Variants in CDC42BPG observed in about 807,000 individuals in gnomAD.
CDC42BPG encodes CDC42 binding protein kinase gamma.
Under a neutral mutation model 192.2 loss-of-function variants are expected in CDC42BPG, and 157 were observed. The ratio of observed to expected loss-of-function variants is 0.82; its 90% CI spans 0.72 to 0.93. The LOEUF is 0.93. Ranked by LOEUF, CDC42BPG falls within the 40% of genes least tolerant of loss-of-function variation. CDC42BPG has a pLI of 0.00. For synonymous variants in CDC42BPG, 981 were observed against 918.5 expected (o/e 1.07, Z -1.23); for missense variants, 1,992 against 2,122.1 (o/e 0.94, Z 1.20).
chr11:64,833,883 C>T (rs1162429800), intron 21 of CDC42BPG, 42 bp downstream of exon 21: 3 of 1,614,218 alleles, frequency 1.9e-6, no homozygotes, highest in Non-Finnish European at 2.5e-6. Flanking sequence ...CTGTGCCTCT[C>T]CCAGAACTTC....
Position 64,827,118 on chromosome 11 carries a change from T to C in CDC42BPG, c.4321A>G (p.Thr1441Ala), listed in dbSNP as rs1565668639. 2 of 1,613,962 alleles carry C rather than the reference T, an allele frequency of 1.2e-6. No homozygotes were observed. The highest frequency in any genetic ancestry group is 1.7e-6 in the Non-Finnish European group (2 of 1,179,980). The change falls in exon 34 of 37, where the codon ACC becomes GCC. Residue 1441 changes from threonine (T) to alanine (A), a missense_variant. Thr to Ala is a moderately conservative substitution (Grantham distance 58, BLOSUM62 0). Coordinates refer to ENST00000342711, the MANE Select transcript of CDC42BPG (RefSeq NM_017525.3). The stretch of plus-strand genomic sequence containing the variant: ...ACGTGTACTAGGTGGTTGAAGTTGG[T>C]AGGCGGCGAGATGAGCTTGGAGCGC... ...FVRSKLISPP[T>A]NFNHLVHVGP...
chr11:64,825,326 AGAG>A (rs1942375971), intron 36 of CDC42BPG, among the ~76,000 whole-genome samples: 1 of 152,176 alleles, frequency 6.6e-6, no homozygotes, highest in East Asian at 1.9e-4. Context: ...CACAGTCAAC[AGAG>A]GAGAACAGGC....
chr11:64,839,275 TTGGCTGGGACTGCTG>T, intron 6 of CDC42BPG, 42 bp from the exon 7 acceptor site: 1 of 1,609,670 alleles, frequency 6.2e-7, no homozygotes, highest in Non-Finnish European at 8.5e-7. Flanking sequence ...AGCTTTGGGC[TTGGCTGGGACTGCTG>T]GCTCCTCGCG....
chr11:64,836,649 G>A (rs1211698611), intron 11 of CDC42BPG, 90 bp downstream of exon 11: 6 of 1,109,128 alleles, frequency 5.4e-6, no homozygotes, highest in African/African-American at 1.7e-5. Context: ...TGCTCTCCCA[G>A]GATCATACAG....
intron 30 of CDC42BPG, among the ~76,000 whole-genome samples, chr11:64,828,276 GCC>G (rs1942526783): frequency 1.8e-4 from 1 of 5,600 alleles, no homozygotes; most frequent in Non-Finnish European, 3.3e-4. Context: ...CTGCCCCACT[GCC>G]TCATTCATTC....
chr11:64,843,680 C>G (rs983826184), intron 1 of CDC42BPG, among the ~76,000 whole-genome samples: 1 of 152,210 alleles, frequency 6.6e-6, no homozygotes, highest in South Asian at 2.1e-4. Context: ...AGGGTCACCC[C>G]GGGCCAGCCA....
At position 64,840,668 on chromosome 11, in the gene CDC42BPG, G is replaced by A; in HGVS notation, c.337-20C>T. On this transcript the variant is annotated intron_variant, in intron 3 of 36. Transcript: ENST00000342711. ...GGCTGTCTGCAGCAGGTTTGGGGAAGTAAGGGGTGGGGTGGGATCAGAGCC... is the reference window on the plus strand; with the variant it reads ...GGCTGTCTGCAGCAGGTTTGGGGAAATAAGGGGTGGGGTGGGATCAGAGCC... The A allele has an allele frequency of 1.2e-6, 2 of 1,611,578 alleles. No individual in the cohort carries two copies. The highest frequency in any genetic ancestry group is 8.5e-7 in the Non-Finnish European group (1 of 1,178,408).
At chr11:64,839,297 C>T (rs542086743) in intron 6 of CDC42BPG, 64 bp from the exon 7 acceptor site, 74 of 1,583,656 alleles carry the variant, frequency 4.7e-5, no homozygotes, top group African/African-American at 9.4e-5. Context: ...GCTGGCTCCT[C>T]GCGATGGCCC....
Position 64,839,500 on chromosome 11 carries a change from A to C in CDC42BPG, c.653T>G (p.Leu218Arg). 1.9e-6 allele frequency: 3 copies of C among 1,613,184 alleles called. No homozygotes were observed. Among genetic ancestry groups the C allele is most frequent in the Non-Finnish European group, 2.5e-6 (3 of 1,179,974 alleles). The stretch of plus-strand genomic sequence containing the variant: ...TACCATGCCGTTGGTGTTGAGACGC[A>C]GGCAGGAGCCGAAGTCAGCCAGGCG... The part of the protein sequence containing the change: ...HIRLADFGSC[L>R]RLNTNGMVDS... The change falls in exon 6 of 37, where the codon CTG becomes CGG. Residue 218 changes from leucine to arginine, a missense_variant. Coordinates refer to ENST00000342711, the MANE Select transcript of CDC42BPG (RefSeq NM_017525.3).
chr11:64,836,400 C>CTCACCCA, intron 12 of CDC42BPG, 27 bp downstream of exon 12: 1 of 918,568 alleles, frequency 1.1e-6, no homozygotes, highest in Non-Finnish European at 1.7e-6. Context: ...CCTCACCCAG[C>CTCACCCA]CCTCACCCAC....
Position 64,823,166 on chromosome 11 carries a change from A to G in CDC42BPG, c.*1307T>C, listed in dbSNP as rs1006004704. ...CAGTGGCGCGATCTCGGCTCACTGC[A>G]AGCTCCGCCTCCCGGGTTCACGCCA... On this transcript the variant is annotated 3_prime_UTR_variant, in exon 37 of 37. Coordinates refer to ENST00000342711, the MANE Select transcript of CDC42BPG (RefSeq NM_017525.3). Among the ~76,000 whole-genome samples the G allele has an allele frequency of 2.7e-5, 4 of 149,620 alleles. No individual in the cohort carries two copies. The highest frequency in any genetic ancestry group is 9.9e-5 in the African/African-American group (4 of 40,580).
chr11:64,834,459 T>A lies in CDC42BPG; in HGVS notation c.2294A>T (p.Gln765Leu). The change falls in exon 19 of 37, where the codon CAG becomes CTG. Residue 765 changes from glutamine to leucine, a missense_variant. Coordinates refer to ENST00000342711, the MANE Select transcript of CDC42BPG (RefSeq NM_017525.3). ...AKQGLQERLT[Q>L]VQEAQLQAER... ...AGCCTGCAGCTGGGCCTCCTGCACCTGTGTCAGCCGCTCCTGCAGGCCCTG... is the reference window on the plus strand; with the variant it reads ...AGCCTGCAGCTGGGCCTCCTGCACCAGTGTCAGCCGCTCCTGCAGGCCCTG... 1 of 1,569,466 alleles carries A rather than the reference T, an allele frequency of 6.4e-7. No homozygotes were observed. The highest frequency in any genetic ancestry group is 1.2e-5 in the South Asian group (1 of 86,538).
In CDC42BPG at chr11:64,834,953, C is replaced by G. The variant is rs770211314; in HGVS notation, c.2071G>C (p.Glu691Gln). Reference sequence around the variant, plus strand: ...TGCAGGTAGCCTCTTGAGACCTTCTCATCATTCACCCTGAATGGGAAGGGG... The same window carrying G: ...TGCAGGTAGCCTCTTGAGACCTTCTGATCATTCACCCTGAATGGGAAGGGG... Reference protein sequence around the residue: ...LADILSWVNDEKVSRGYLQAL... With the variant: ...LADILSWVNDQKVSRGYLQAL... The change falls in exon 18 of 37, where the codon GAG (glutamate) becomes CAG (glutamine). Residue 691 changes from glutamate (E) to glutamine (Q), a missense_variant. Physicochemically the swap from Glu to Gln is conservative, Grantham distance 29. Transcript: ENST00000342711. 6.2e-7 allele frequency: 1 copy of G among 1,613,944 alleles called. No individual in the cohort carries two copies. The highest frequency in any genetic ancestry group is 1.1e-5 in the South Asian group (1 of 91,090).
Position 64,824,137 on chromosome 11 carries a change from C to A in CDC42BPG, c.*336G>T, listed in dbSNP as rs1942335715. On this transcript the variant is annotated 3_prime_UTR_variant, in exon 37 of 37. Transcript: ENST00000342711. ...CCCAGAGACCCAGTCCCTCTCCATC[C>A]CTCATCCCAACTCTTACAAGCCTCT... 1 of 385,354 alleles carries A rather than the reference C, an allele frequency of 2.6e-6. No homozygotes were observed. Among genetic ancestry groups the A allele is most frequent in the Non-Finnish European group, 4.9e-6 (1 of 205,232 alleles). The allele number at this position is 385,354 out of a possible 1,614,324, so 23.9% of individuals were successfully genotyped here.
At chr11:64,841,628 G>GC (rs1431297718) in intron 3 of CDC42BPG, 22 bp downstream of exon 3, 4 of 1,606,756 alleles carry the variant, frequency 2.5e-6, no homozygotes, top group East Asian at 4.5e-5. Context: ...GTGCCCAAGG[G>GC]CCCCCCAGAC....
At chr11:64,832,341 G>T in intron 27 of CDC42BPG, 87 bp downstream of exon 27, 2 of 1,351,676 alleles carry the variant, frequency 1.5e-6, no homozygotes, top group Non-Finnish European at 2.1e-6. Flanking sequence ...GCCCAAGAGG[G>T]CAGTATGAAG....
chr11:64,843,794 C>T (rs2136435300), intron 1 of CDC42BPG, among the ~76,000 whole-genome samples: 1 of 152,366 alleles, frequency 6.6e-6, no homozygotes, highest in African/African-American at 2.4e-5. Flanking sequence ...GCTTGGCCAG[C>T]AGCCTGCACA....
At chr11:64,843,183 T>A (rs1202657336) in intron 1 of CDC42BPG, among the ~76,000 whole-genome samples, 1 of 151,510 alleles carries the variant, frequency 6.6e-6, no homozygotes, top group Non-Finnish European at 1.5e-5. Flanking sequence ...CAGGGACAAG[T>A]AGAGACAAGC....
chr11:64,826,964 C>T, intron 34 of CDC42BPG, 86 bp downstream of exon 34: 1 of 1,177,824 alleles, frequency 8.5e-7, no homozygotes, highest in Non-Finnish European at 1.2e-6. Flanking sequence ...ATTACAGCGG[C>T]CCGTGATTGG....
Sources: gnomAD v4.1 joint callset for allele counts (sites outside exome capture counted in the v4.1 genomes callset) on GRCh38, gnomAD v4.1.1 for gene constraint, MANE v1.5 for transcripts, NCBI Gene and HGNC (gene_info 2026-07-23, HGNC 2026-07-21) for gene names.